The following TSPAN9 variants were observed in gnomAD, a reference collection of about 807,000 sequenced individuals.
The protein encoded by TSPAN9 is tetraspanin-9.
Under a neutral mutation model 31.0 loss-of-function variants are expected in TSPAN9, and 16 were observed. The ratio of observed to expected loss-of-function variants is 0.52; its 90% CI spans 0.35 to 0.78. The LOEUF is 0.78. TSPAN9 is among the 30% of genes least tolerant of loss of function. TSPAN9 has a pLI of 0.01. For missense variants in TSPAN9, 272 were observed against 312.5 expected (o/e 0.87, Z 0.98); for synonymous variants, 145 against 121.6 (o/e 1.19, Z -1.27).
chr12:3,110,543 G>GT (rs1445592990), intron 2 of TSPAN9, among the ~76,000 whole-genome samples: 8 of 151,766 alleles, frequency 5.3e-5, no homozygotes, highest in South Asian at 2.1e-4. Context: ...TCCAATGGGT[G>GT]TTTTTTTTCA....
intron 2 of TSPAN9, among the ~76,000 whole-genome samples, chr12:3,119,872 T>G (rs2098324260): frequency 6.6e-6 from 1 of 152,144 alleles, no homozygotes. Context: ...CGGTGCCCTG[T>G]CACTCAAAGG....
At position 3,140,331 on chromosome 12, in the gene TSPAN9, A is replaced by G. The variant is rs550505591; in HGVS notation, c.-18+56612A>G. On this transcript the variant is annotated intron_variant, in intron 2 of 8. Transcript: ENST00000011898. ...TGTAGGGATTTTTAGTCGACACTGAAGGACTTCTCTCATCGAACAAGATAC... is the reference window on the plus strand; with the variant it reads ...TGTAGGGATTTTTAGTCGACACTGAGGGACTTCTCTCATCGAACAAGATAC... 1.4e-4 allele frequency among the ~76,000 whole-genome samples: 22 copies of G among 152,250 alleles called. 1 individual carries two copies. The highest frequency in any genetic ancestry group is 2.2e-4 in the Non-Finnish European group (15 of 68,018).
intron 2 of TSPAN9, among the ~76,000 whole-genome samples, chr12:3,134,755 G>T (rs557829855): frequency 1.3e-5 from 2 of 152,210 alleles, no homozygotes; most frequent in Non-Finnish European, 2.9e-5. Flanking sequence ...TGCTCTGCTG[G>T]TGAATGTGAC....
intron 3 of TSPAN9, among the ~76,000 whole-genome samples, chr12:3,267,776 G>A (rs1404273351): frequency 3.3e-5 from 5 of 152,158 alleles, no homozygotes; most frequent in Non-Finnish European, 7.4e-5. Context: ...AGACAGTGCC[G>A]TGTGCCGGGG....
At chr12:3,120,468 G>A (rs1249585362) in intron 2 of TSPAN9, among the ~76,000 whole-genome samples, 2 of 152,118 alleles carry the variant, frequency 1.3e-5, no homozygotes, top group African/African-American at 2.4e-5. Context: ...GTGCCAGCCC[G>A]TCACTCTCTC....
intron 1 of TSPAN9, among the ~76,000 whole-genome samples, chr12:3,081,832 G>GTATATATATATATATATATA (rs1190118465): frequency 1.1e-4 from 3 of 28,122 alleles, no homozygotes; most frequent in African/African-American, 7.0e-4. Flanking sequence ...GTGTGTGTGT[G>GTATATATATATATATATATA]TGTCTGTGTG....
At chr12:3,148,577 GGC>G (rs2098338355) in intron 2 of TSPAN9, among the ~76,000 whole-genome samples, 2 of 152,212 alleles carry the variant, frequency 1.3e-5, no homozygotes, top group Non-Finnish European at 2.9e-5. Context: ...TCTGCTCCAG[GGC>G]CTAGAGCGTG....
At chr12:3,139,223 C>CT (rs766861400) in intron 2 of TSPAN9, among the ~76,000 whole-genome samples, 1 of 152,226 alleles carries the variant, frequency 6.6e-6, no homozygotes, top group Non-Finnish European at 1.5e-5. Flanking sequence ...CTTCCTCTGT[C>CT]TGAGACCATG....
chr12:3,268,372 G>T (rs1368227975), intron 3 of TSPAN9, among the ~76,000 whole-genome samples: 1 of 88,374 alleles, frequency 1.1e-5, no homozygotes, highest in African/African-American at 3.7e-5. Context: ...TGCCCTCTCT[G>T]TGTTCCTGCA....
At chr12:3,208,348 A>G (rs911958877) in intron 3 of TSPAN9, among the ~76,000 whole-genome samples, 8 of 152,200 alleles carry the variant, frequency 5.3e-5, no homozygotes, top group East Asian at 1.9e-4. Flanking sequence ...AATGAGAGTT[A>G]TAGGTAGGGA....
intron 3 of TSPAN9, among the ~76,000 whole-genome samples, chr12:3,248,301 T>C (rs1179515608): frequency 6.6e-6 from 1 of 152,232 alleles, no homozygotes; most frequent in Non-Finnish European, 1.5e-5. Flanking sequence ...GTGTCATTCC[T>C]TGTGGGATAG....
intron 2 of TSPAN9, among the ~76,000 whole-genome samples, chr12:3,169,995 T>TC (rs1375676632): frequency 1.5e-5 from 2 of 137,060 alleles, no homozygotes; most frequent in African/African-American, 5.6e-5. Context: ...GATGGAGGAG[T>TC]CAGAATGTCT....
chr12:3,234,213 C>T (rs1186736050), intron 3 of TSPAN9, among the ~76,000 whole-genome samples: 1 of 152,234 alleles, frequency 6.6e-6, no homozygotes, highest in Non-Finnish European at 1.5e-5. Context: ...GTGGTTTGGG[C>T]AGTTTTCTTC....
intron 2 of TSPAN9, among the ~76,000 whole-genome samples, chr12:3,161,564 C>T (rs1193426915): frequency 6.6e-6 from 1 of 152,158 alleles, no homozygotes; most frequent in African/African-American, 2.4e-5. Context: ...AGGTGGAGCA[C>T]CTAGCGTGGG....
intron 2 of TSPAN9, among the ~76,000 whole-genome samples, chr12:3,156,241 C>T (rs917952275): frequency 1.3e-5 from 2 of 152,030 alleles, no homozygotes; most frequent in Non-Finnish European, 2.9e-5. Context: ...ACTGAAGACC[C>T]GGAAGGTTGT....
chr12:3,246,195 G>T (rs1424419970), intron 3 of TSPAN9, among the ~76,000 whole-genome samples: 1 of 151,678 alleles, frequency 6.6e-6, no homozygotes, highest in East Asian at 2.0e-4. Context: ...GGGGCGGGGG[G>T]TGGTGCCACA....
At chr12:3,148,930 A>G (rs1480736813) in intron 2 of TSPAN9, among the ~76,000 whole-genome samples, 1 of 152,170 alleles carries the variant, frequency 6.6e-6, no homozygotes. Flanking sequence ...GGCCGAGGTA[A>G]CTTTGGCTCC....
intron 2 of TSPAN9, among the ~76,000 whole-genome samples, chr12:3,160,791 C>G (rs1022133983): frequency 6.6e-6 from 1 of 152,052 alleles, no homozygotes; most frequent in Non-Finnish European, 1.5e-5. Flanking sequence ...GGGTATTTGT[C>G]TTTTTATTAT....
intron 3 of TSPAN9, among the ~76,000 whole-genome samples, chr12:3,250,817 C>T (rs528536456): frequency 7.0e-4 from 106 of 152,324 alleles, no homozygotes; most frequent in Non-Finnish European, 1.3e-3. Context: ...CTGCCAGGCC[C>T]GGGGAGCAGC....
Sources: gnomAD v4.1 joint callset for allele counts (sites outside exome capture counted in the v4.1 genomes callset) on GRCh38, gnomAD v4.1.1 for gene constraint, MANE v1.5 for transcripts, NCBI Gene and HGNC (gene_info 2026-07-23, HGNC 2026-07-21) for gene names.